Variants in DGKB observed in about 807,000 individuals in gnomAD.
DGKB encodes the protein 90 kDa diacylglycerol kinase.
DGKB carries 67 observed loss-of-function variants against 114.3 expected under a neutral mutation model. That is an observed-to-expected ratio of 0.59 (90% CI 0.48 to 0.72). DGKB has a LOEUF of 0.72. DGKB is among the 30% of genes least tolerant of loss of function. The probability of loss-of-function intolerance (pLI) is 0.00; values close to 1 mark genes in which losing one functional copy is unlikely to be tolerated. For synonymous variants in DGKB, 398 were observed against 323.1 expected, an observed-to-expected ratio of 1.23 and a Z score of -2.49; for missense variants, 907 against 975.2, an observed-to-expected ratio of 0.93 and a Z score of 0.93.
At position 14,585,615 on chromosome 7, in the gene DGKB, T is replaced by G. The variant is rs965745692; in HGVS notation, c.1434-2478A>C. Among the ~76,000 whole-genome samples the G allele has an allele frequency of 2.6e-5, 4 of 152,206 alleles. No individual in the cohort carries two copies. In the East Asian group the frequency reaches 5.8e-4, roughly 22 times the overall value. On this transcript the variant is annotated intron_variant, in intron 17 of 25. Coordinates refer to ENST00000402815, the MANE Select transcript of DGKB (RefSeq NM_001350709.2). ...TTACATTCTTGCAAAAAGTGCATTC[T>G]TGTACAGGCATACCTCATTGTATTA... is the stretch of plus-strand genomic sequence containing the variant.
chr7:14,378,598 A>G (rs1182332560), intron 21 of DGKB, among the ~76,000 whole-genome samples: 1 of 152,230 alleles, frequency 6.6e-6, no homozygotes, highest in East Asian at 1.9e-4. Flanking sequence ...ATATTTGTAG[A>G]GGATAGAAAA....
chr7:14,249,396 T>G (rs953255021), intron 23 of DGKB, among the ~76,000 whole-genome samples: 3 of 152,184 alleles, frequency 2.0e-5, no homozygotes, highest in Non-Finnish European at 4.4e-5. Context: ...TCTTCCATTT[T>G]TTGAAGAGTT....
At chr7:14,778,613 A>T (rs1838585490) in intron 2 of DGKB, among the ~76,000 whole-genome samples, 4 of 152,200 alleles carry the variant, frequency 2.6e-5, no homozygotes. Flanking sequence ...AGGTAAAGGT[A>T]AACTAGTTAA....
chr7:14,231,987 C>T lies in DGKB; in HGVS notation c.2123-53836G>A, dbSNP rs143950782. Among the ~76,000 whole-genome samples, 1,439 of 152,076 alleles carry T rather than the reference C, an allele frequency of 9.5e-3. 26 individuals are homozygous for T. Among genetic ancestry groups the T allele is most frequent in the African/African-American group, 0.033 (1,383 of 41,522 alleles). ...AAGTTGATGTGTTTATTGGATTTTC[C>T]TCTTAGTCTTTCTGAGAATTCTTAG... On this transcript the variant is annotated intron_variant, in intron 23 of 25. Coordinates refer to ENST00000402815, the MANE Select transcript of DGKB (RefSeq NM_001350709.2).
At chr7:14,448,183 C>T (rs2128830261) in intron 21 of DGKB, among the ~76,000 whole-genome samples, 1 of 152,032 alleles carries the variant, frequency 6.6e-6, no homozygotes, top group African/African-American at 2.4e-5. Flanking sequence ...AATAGAAGAG[C>T]CACATAATGC....
At chr7:14,801,982 C>T (rs191213828) in intron 2 of DGKB, among the ~76,000 whole-genome samples, 9 of 151,508 alleles carry the variant, frequency 5.9e-5, no homozygotes, top group Non-Finnish European at 1.2e-4. Flanking sequence ...CACACACATA[C>T]GTATATATGT....
At chr7:14,243,807 G>C (rs572502206) in intron 23 of DGKB, among the ~76,000 whole-genome samples, 37 of 152,108 alleles carry the variant, frequency 2.4e-4, no homozygotes, top group African/African-American at 8.2e-4. Context: ...GCTTCAAAAT[G>C]ACCCCAGCTT....
intron 1 of DGKB, among the ~76,000 whole-genome samples, chr7:14,879,362 A>C (rs1562796756): frequency 6.6e-6 from 1 of 152,188 alleles, no homozygotes; most frequent in Non-Finnish European, 1.5e-5. Context: ...GATCAGTTGT[A>C]TCATTTGAAC....
intron 1 of DGKB, among the ~76,000 whole-genome samples, chr7:14,973,281 A>C (rs1787584771): frequency 6.6e-6 from 1 of 151,914 alleles, no homozygotes; most frequent in Admixed American, 6.6e-5. Context: ...GAATATTCAA[A>C]ACATTTTTAA....
chr7:14,173,097 T>C (rs921869064), intron 25 of DGKB, among the ~76,000 whole-genome samples: 1 of 152,206 alleles, frequency 6.6e-6, no homozygotes, highest in African/African-American at 2.4e-5. Context: ...GCTAAAATAA[T>C]TGTGTTAACT....
At chr7:14,423,174 A>G (rs1232462394) in intron 21 of DGKB, among the ~76,000 whole-genome samples, 1 of 152,068 alleles carries the variant, frequency 6.6e-6, no homozygotes, top group Non-Finnish European at 1.5e-5. Flanking sequence ...ACTATACGGT[A>G]AGATAGCTGG....
At chr7:14,655,642 C>T (rs1815626330) in intron 13 of DGKB, among the ~76,000 whole-genome samples, 3 of 151,586 alleles carry the variant, frequency 2.0e-5, no homozygotes, top group Admixed American at 2.0e-4. Context: ...CCTAAATGTC[C>T]ATCAATAGAT....
chr7:14,575,438 A>G (rs894385857), intron 19 of DGKB, among the ~76,000 whole-genome samples: 2 of 152,222 alleles, frequency 1.3e-5, no homozygotes, highest in African/African-American at 4.8e-5. Flanking sequence ...ATTTATTTGT[A>G]GGTAGATAAC....
At chr7:14,754,231 C>T (rs1420442023) in intron 3 of DGKB, among the ~76,000 whole-genome samples, 2 of 152,004 alleles carry the variant, frequency 1.3e-5, no homozygotes, top group African/African-American at 2.4e-5. Flanking sequence ...TGACAAGCCC[C>T]CCGGTTGATT....
intron 21 of DGKB, among the ~76,000 whole-genome samples, chr7:14,428,926 T>C (rs998254325): frequency 6.6e-6 from 1 of 152,020 alleles, no homozygotes; most frequent in African/African-American, 2.4e-5. Context: ...ATAAAAAATA[T>C]AAATTTTTTA....
At chr7:14,312,497 A>G (rs1805575226) in intron 23 of DGKB, among the ~76,000 whole-genome samples, 1 of 152,244 alleles carries the variant, frequency 6.6e-6, no homozygotes, top group Non-Finnish European at 1.5e-5. Context: ...AAGCTTTAAA[A>G]TGTCCTTGAT....
At chr7:14,403,046 T>C (rs1279069524) in intron 21 of DGKB, among the ~76,000 whole-genome samples, 1 of 151,966 alleles carries the variant, frequency 6.6e-6, no homozygotes, top group Non-Finnish European at 1.5e-5. Context: ...TCTCTCTCTG[T>C]GTATCATTCT....
At position 14,718,636 on chromosome 7, in the gene DGKB, A is replaced by G. The variant is rs1447099975; in HGVS notation, c.372T>C (p.Pro124=). ...TTACTTCTGGGGAACACGTATTTGC[A>G]GGAGAAGTAGTCCGGGGAGGGGTGA... ...GAITPPRTTS[P]ANTCSPEVIH... is the part of the protein sequence containing the mutation. The change falls in exon 6 of 26, where the codon CCT becomes CCC. Residue 124 remains proline, a synonymous_variant. Transcript: ENST00000402815. 6.2e-7 allele frequency: 1 copy of G among 1,612,530 alleles called. No individual in the cohort carries two copies. Among genetic ancestry groups the G allele is most frequent in the East Asian group, 2.2e-5 (1 of 44,778 alleles).
chr7:14,488,059 C>T (rs924912575), intron 20 of DGKB, among the ~76,000 whole-genome samples: 4 of 152,036 alleles, frequency 2.6e-5, no homozygotes, highest in African/African-American at 4.8e-5. Context: ...AATTCCAAAA[C>T]AGAAACCCAT....
Sources: gnomAD v4.1 joint callset for allele counts (sites outside exome capture counted in the v4.1 genomes callset) on GRCh38, gnomAD v4.1.1 for gene constraint, MANE v1.5 for transcripts, NCBI Gene and HGNC (gene_info 2026-07-23, HGNC 2026-07-21) for gene names.